The following NCAPG2 variants were observed in gnomAD, a reference collection of about 807,000 sequenced individuals.
The protein encoded by NCAPG2 is condensin-2 complex subunit G2.
A neutral mutation model predicts 141.1 loss-of-function variants in NCAPG2; 53 were observed. The observed-to-expected ratio is 0.38, with a 90% CI of 0.30 to 0.47. The LOEUF is 0.47. Among genes scored for constraint, NCAPG2 ranks in the 20% least tolerant of loss-of-function variants. The probability of loss-of-function intolerance (pLI) is 0.99; values close to 1 mark genes in which losing one functional copy is unlikely to be tolerated. For missense variants in NCAPG2, 1,087 were observed against 1,389.0 expected (o/e 0.78, Z 3.46); for synonymous variants, 499 against 490.7 (o/e 1.02, Z -0.22).
intron 2 of NCAPG2, among the ~76,000 whole-genome samples, chr7:158,697,793 G>T (rs1835549694): frequency 6.6e-6 from 1 of 152,044 alleles, no homozygotes; most frequent in African/African-American, 2.4e-5. Flanking sequence ...CCTTTGCGGG[G>T]ACATAGATGG....
intron 13 of NCAPG2, among the ~76,000 whole-genome samples, chr7:158,667,690 C>T (rs1457179856): frequency 7.2e-5 from 2 of 27,900 alleles, no homozygotes; most frequent in African/African-American, 1.9e-4. Flanking sequence ...GGTCCCTCCG[C>T]CCGCCTTACC....
intron 10 of NCAPG2, 110 bp downstream of exon 10, chr7:158,680,611 G>A (rs928197629): frequency 3.1e-5 from 19 of 614,910 alleles, no homozygotes; most frequent in Non-Finnish European, 4.3e-5. Context: ...AAAGCATTCA[G>A]TCTTCAGCCT....
chr7:158,659,215 A>G (rs7778091), intron 16 of NCAPG2, among the ~76,000 whole-genome samples: 24,949 of 150,378 alleles, frequency 0.17, 2,240 homozygotes, highest in Middle Eastern at 0.23. Context: ...TGTAATCCCA[A>G]CTACTCGGAA....
At chr7:158,642,006 A>C (rs1183412004) in intron 27 of NCAPG2, among the ~76,000 whole-genome samples, 2 of 152,194 alleles carry the variant, frequency 1.3e-5, no homozygotes, top group Non-Finnish European at 2.9e-5. Flanking sequence ...GCCATAAGAC[A>C]CACCTTCACG....
At chr7:158,697,696 C>T (rs1179908124) in intron 2 of NCAPG2, among the ~76,000 whole-genome samples, 1 of 151,448 alleles carries the variant, frequency 6.6e-6, no homozygotes, top group Non-Finnish European at 1.5e-5. Context: ...AACCTAAATG[C>T]CCATCAATGA....
rs116168120 is a variant in NCAPG2 at position 158,681,700 on chromosome 7, T to C, written c.925-884A>G. Among the ~76,000 whole-genome samples, 1,265 of 152,302 alleles carry C rather than the reference T, an allele frequency of 8.3e-3. 24 individuals are homozygous for C. Among genetic ancestry groups the C allele is most frequent in the African/African-American group, 0.028 (1,170 of 41,574 alleles). ...TGTGTACAATACTATCAAACTTTGA[T>C]ATCAACAGTACACTTGCTTCATAGA... On this transcript the variant is annotated intron_variant, in intron 9 of 27. Coordinates refer to ENST00000356309, the MANE Select transcript of NCAPG2 (RefSeq NM_017760.7).
intron 11 of NCAPG2, among the ~76,000 whole-genome samples, chr7:158,676,351 C>T (rs1164354377): frequency 1.3e-5 from 2 of 152,164 alleles, no homozygotes; most frequent in African/African-American, 4.8e-5. Context: ...GAAAACAAAA[C>T]ACAAAAAGAT....
chr7:158,661,153 T>C (rs1241440710), intron 16 of NCAPG2, among the ~76,000 whole-genome samples: 2 of 152,190 alleles, frequency 1.3e-5, no homozygotes, highest in Non-Finnish European at 2.9e-5. Context: ...GGCCATGCTT[T>C]CACGTCAGAG....
chr7:158,690,827 T>C lies in NCAPG2; in HGVS notation c.383-105A>G, dbSNP rs1367057040. On this transcript the variant is annotated intron_variant, in intron 4 of 27. Transcript: ENST00000356309. ...CTTTATATATTATTTAAAGCTTTGC[T>C]AAGCAAATAATATTAGTTATGTTTA... 5 of 1,018,022 alleles carry C rather than the reference T, an allele frequency of 4.9e-6. No homozygotes were observed. The South Asian group carries it at 8.2e-5, about 17-fold the overall frequency. The allele number at this position is 1,018,022 out of a possible 1,614,324, so 63.1% of individuals were successfully genotyped here.
Position 158,677,525 on chromosome 7 carries a change from C to CAAAAAAAAAAA in NCAPG2, c.1147-1880_1147-1870dup. Among the ~76,000 whole-genome samples, 85 of 90,392 alleles carry CAAAAAAAAAAA rather than the reference C, an allele frequency of 9.4e-4. 1 individual carries two copies. The highest frequency in any genetic ancestry group is 1.6e-3 in the African/African-American group (35 of 21,980). The allele number at this position is 90,392 out of a possible 152,430, so 59.3% of individuals were successfully genotyped here. On this transcript the variant is annotated intron_variant, in intron 11 of 27. Transcript: ENST00000356309. ...AGAAAAAAAGATGATAAAAATAAAGCAAAAAAAAAAAAAAAAAAAAAAACA... is the reference window on the plus strand; with the variant it reads ...AGAAAAAAAGATGATAAAAATAAAGCAAAAAAAAAAAAAAAAAAAAAAAAAAAAAAAAAACA...
chr7:158,689,762 A>G (rs1835006983), intron 6 of NCAPG2, 57 bp downstream of exon 6: 1 of 1,440,602 alleles, frequency 6.9e-7, no homozygotes, highest in African/African-American at 1.5e-5. Flanking sequence ...TGAACACAGG[A>G]GAAACATCTA....
intron 4 of NCAPG2, among the ~76,000 whole-genome samples, chr7:158,691,902 T>C (rs894754683): frequency 1.1e-4 from 16 of 152,206 alleles, no homozygotes; most frequent in African/African-American, 3.6e-4. Flanking sequence ...CTCAACAAGT[T>C]CTTGATCATT....
intron 16 of NCAPG2, among the ~76,000 whole-genome samples, chr7:158,658,879 A>G (rs141663234): frequency 6.6e-6 from 1 of 152,330 alleles, no homozygotes; most frequent in Non-Finnish European, 1.5e-5. Context: ...AAGACAGTAT[A>G]GTTCAAGGGA....
rs371317094 is a variant in NCAPG2, at chr7:158,663,101, T to C, written c.1816-734A>G. ...CACACGTAAGTGCATTGTGGCTGCA[T>C]GCCAGTAAGCGGACATGCCCACTCA... On this transcript the variant is annotated intron_variant, in intron 15 of 27. Transcript: ENST00000356309. Among the ~76,000 whole-genome samples the C allele has an allele frequency of 5.9e-5, 9 of 152,354 alleles. No homozygotes were observed. In the South Asian group the frequency reaches 1.7e-3, roughly 28 times the overall value.
At chr7:158,666,927 A>C (rs1325362685) in intron 13 of NCAPG2, among the ~76,000 whole-genome samples, 3 of 151,936 alleles carry the variant, frequency 2.0e-5, no homozygotes, top group Non-Finnish European at 4.4e-5. Context: ...CATGTACAAG[A>C]CCCTCCACTG....
Position 158,656,671 on chromosome 7 carries a change from C to G in NCAPG2, c.2095G>C (p.Glu699Gln). ...GVISTLRSRE[E>Q]GAVDKSYCTL... ...CAGTAGCTCTTGTCCACAGCGCCCT[C>G]CTCCCGGCTTCTCAGCGTGGAAATC... The change falls in exon 18 of 28, where the codon GAG (glutamate) becomes CAG (glutamine). Residue 699 changes from glutamate to glutamine, a missense_variant. Transcript: ENST00000356309. The G allele has an allele frequency of 6.2e-7, 1 of 1,614,124 alleles. No individual in the cohort carries two copies. The highest frequency in any genetic ancestry group is 8.5e-7 in the Non-Finnish European group (1 of 1,180,046).
chr7:158,698,806 G>A (rs1384883470), intron 2 of NCAPG2, among the ~76,000 whole-genome samples: 3 of 137,508 alleles, frequency 2.2e-5, no homozygotes, highest in African/African-American at 5.7e-5. Context: ...TTTTTTTTGA[G>A]ACAGGGTCTC....
chr7:158,661,444 C>T (rs1460245926), intron 16 of NCAPG2, among the ~76,000 whole-genome samples: 31 of 151,892 alleles, frequency 2.0e-4, no homozygotes, highest in Admixed American at 1.8e-3. Context: ...ATAGAAATCA[C>T]GCACAGAGAA....
chr7:158,655,719 A>T (rs1831896887), intron 19 of NCAPG2, among the ~76,000 whole-genome samples: 1 of 152,238 alleles, frequency 6.6e-6, no homozygotes, highest in Non-Finnish European at 1.5e-5. Context: ...CTGCCTCATG[A>T]CCAGGCCCCG....
Sources: gnomAD v4.1 joint callset for allele counts (sites outside exome capture counted in the v4.1 genomes callset) on GRCh38, gnomAD v4.1.1 for gene constraint, MANE v1.5 for transcripts, NCBI Gene and HGNC (gene_info 2026-07-23, HGNC 2026-07-21) for gene names.